ZNF81: variants seen among roughly 807,000 people sequenced by gnomAD.
The protein encoded by ZNF81 is zinc finger protein 81 (HFZ20).
A neutral mutation model predicts 32.3 loss-of-function variants in ZNF81; 5 were observed. The observed-to-expected ratio is 0.15, with a 90% CI of 0.08 to 0.33. The LOEUF (loss-of-function observed/expected upper bound fraction) is 0.33. Among genes scored for constraint, ZNF81 ranks in the 10% least tolerant of loss-of-function variants. The probability of loss-of-function intolerance (pLI) is 1.00; values close to 1 mark genes in which losing one functional copy is unlikely to be tolerated. For synonymous variants in ZNF81, 163 were observed against 166.8 expected (o/e 0.98, Z 0.17); for missense variants, 379 against 479.8 (o/e 0.79, Z 1.96).
At chrX:47,914,019 A>T (rs2058747719) in intron 4 of ZNF81, among the ~76,000 whole-genome samples, 1 of 111,541 alleles carries the variant, frequency 9.0e-6, no homozygotes, top group Non-Finnish European at 1.9e-5. Flanking sequence ...ACATACCAGG[A>T]TTCAATATAA....
rs1161839421 is a variant in ZNF81, at chrX:47,920,365, GC to G, written c.*3734del. 9.0e-6 allele frequency: 1 copy of G among 110,980 alleles called. No individual in the cohort carries two copies. Among genetic ancestry groups the G allele is most frequent in the Admixed American group, 9.6e-5 (1 of 10,393 alleles). 9.1% of individuals were successfully genotyped at this position (110,980 alleles called of 1,213,427 possible). The stretch of plus-strand genomic sequence containing the variant: ...TCTTGCTGACCTGGTGAGTTGGGGG[GC>G]AGGGGTTGTCTTGGGCCAGCCTCAG... On this transcript the variant is annotated 3_prime_UTR_variant, in exon 5 of 5. Coordinates refer to ENST00000338637, the MANE Select transcript of ZNF81 (RefSeq NM_007137.5).
intron 2 of ZNF81, among the ~76,000 whole-genome samples, chrX:47,884,103 AGGCGTGGTGGTG>A (rs1172134861): frequency 2.8e-5 from 3 of 108,922 alleles, no homozygotes; most frequent in Non-Finnish European, 5.7e-5. Context: ...AAAATTAGCC[AGGCGTGGTGGTG>A]GGCACCTGTA....
Position 47,917,268 on chromosome X carries a change from C to T in ZNF81, c.*636C>T, listed in dbSNP as rs1325530154. 12 of 297,101 alleles carry T rather than the reference C, an allele frequency of 4.0e-5. No homozygotes were observed. In the East Asian group the frequency reaches 5.7e-4, roughly 14 times the overall value. 24.5% of individuals were successfully genotyped at this position (297,101 alleles called of 1,213,427 possible). On this transcript the variant is annotated 3_prime_UTR_variant, in exon 5 of 5. Coordinates refer to ENST00000338637, the MANE Select transcript of ZNF81 (RefSeq NM_007137.5). ...ACTTTGGTTTTATATATACACACAT[C>T]TGCAGATATAATTTTATAAGAACAC...
chrX:47,858,390 T>A (rs1380042449), intron 2 of ZNF81, among the ~76,000 whole-genome samples: 1 of 112,140 alleles, frequency 8.9e-6, no homozygotes, highest in East Asian at 2.8e-4. Context: ...TTATAAGTCA[T>A]CTTCCTTTGT....
At chrX:47,853,847 G>C (rs1218276961) in intron 2 of ZNF81, among the ~76,000 whole-genome samples, 1 of 112,122 alleles carries the variant, frequency 8.9e-6, no homozygotes, top group African/African-American at 3.2e-5. Context: ...ACCATGGCTG[G>C]CTGGCTTCAA....
At chrX:47,902,105 G>A (rs1363307651) in intron 4 of ZNF81, among the ~76,000 whole-genome samples, 1 of 111,077 alleles carries the variant, frequency 9.0e-6, no homozygotes, top group Non-Finnish European at 1.9e-5. Flanking sequence ...TTCCTTCAAG[G>A]AGTTCGTGTA....
rs1235705107 is a variant in ZNF81, at chrX:47,919,235, A to G, written c.*2603A>G. 9.2e-6 allele frequency: 3 copies of G among 326,485 alleles called. No individual in the cohort carries two copies. The highest frequency in any genetic ancestry group is 1.8e-5 in the Non-Finnish European group (3 of 168,646). 26.9% of individuals were successfully genotyped at this position (326,485 alleles called of 1,213,427 possible). On this transcript the variant is annotated 3_prime_UTR_variant, in exon 5 of 5. Coordinates refer to ENST00000338637, the MANE Select transcript of ZNF81 (RefSeq NM_007137.5). ...GCTACAGATGTCTTCATCCCTGTAT[A>G]TGTGTCCTTCTTCAGTCTTTATTTC... is the stretch of plus-strand genomic sequence containing the variant.
At chrX:47,913,435 A>G (rs1212352662) in intron 4 of ZNF81, among the ~76,000 whole-genome samples, 1 of 111,288 alleles carries the variant, frequency 9.0e-6, no homozygotes, top group Non-Finnish European at 1.9e-5. Flanking sequence ...ATTTGAGCCC[A>G]AGAGTACAAG....
chrX:47,888,221 C>G, intron 3 of ZNF81, 96 bp downstream of exon 3: 1 of 1,083,141 alleles, frequency 9.2e-7, no homozygotes, highest in Non-Finnish European at 1.3e-6. Flanking sequence ...CCCCAGCCCC[C>G]CAGAATGTGA....
chrX:47,858,010 T>G (rs914274494), intron 2 of ZNF81, among the ~76,000 whole-genome samples: 8 of 111,135 alleles, frequency 7.2e-5, no homozygotes, highest in Non-Finnish European at 1.3e-4. Context: ...GGTCTCATAC[T>G]TTTTACCTAA....
At chrX:47,880,771 A>G (rs2058617690) in intron 2 of ZNF81, among the ~76,000 whole-genome samples, 1 of 111,831 alleles carries the variant, frequency 8.9e-6, no homozygotes, top group African/African-American at 3.3e-5. Flanking sequence ...TCACCTCCCT[A>G]ATTGTCTTAC....
chrX:47,882,468 T>G (rs1426706595), intron 2 of ZNF81, among the ~76,000 whole-genome samples: 1 of 112,326 alleles, frequency 8.9e-6, no homozygotes, highest in African/African-American at 3.2e-5. Context: ...GGATTTTTCC[T>G]TTTTTGTTGC....
intron 4 of ZNF81, among the ~76,000 whole-genome samples, chrX:47,898,527 C>G (rs1366657846): frequency 1.8e-5 from 2 of 111,845 alleles, no homozygotes; most frequent in East Asian, 5.6e-4. Context: ...TTCAACTTTG[C>G]TTTTTAAAAA....
intron 2 of ZNF81, among the ~76,000 whole-genome samples, chrX:47,853,330 C>G (rs781989453): frequency 9.1e-6 from 1 of 109,335 alleles, no homozygotes. Flanking sequence ...TACAGACACA[C>G]GCCACCACGC....
intron 2 of ZNF81, among the ~76,000 whole-genome samples, chrX:47,869,156 A>T (rs1370864225): frequency 3.6e-5 from 4 of 112,174 alleles, no homozygotes. Context: ...CCCTCTAAGG[A>T]TCCTTCCAGT....
chrX:47,886,434 A>G, intron 2 of ZNF81, among the ~76,000 whole-genome samples: 1 of 110,975 alleles, frequency 9.0e-6, no homozygotes. Flanking sequence ...CAGCTGGTCA[A>G]TCAGAGATCT....
At chrX:47,887,625 C>A (rs933760740) in intron 2 of ZNF81, among the ~76,000 whole-genome samples, 5 of 111,377 alleles carry the variant, frequency 4.5e-5, no homozygotes, top group Non-Finnish European at 9.4e-5. Flanking sequence ...ATGAAAGCAA[C>A]AGGAGAGGGA....
At chrX:47,840,696 C>T (rs1163067524) in intron 1 of ZNF81, among the ~76,000 whole-genome samples, 3 of 110,262 alleles carry the variant, frequency 2.7e-5, no homozygotes, top group Non-Finnish European at 5.7e-5. Context: ...TTAGTAGAGA[C>T]GGGGTTTCTC....
At chrX:47,913,972 C>T (rs1423363389) in intron 4 of ZNF81, among the ~76,000 whole-genome samples, 1 of 111,129 alleles carries the variant, frequency 9.0e-6, no homozygotes, top group Non-Finnish European at 1.9e-5. Context: ...AATATTTAGG[C>T]AAGAAGATAC....
Sources: gnomAD v4.1 joint callset for allele counts (sites outside exome capture counted in the v4.1 genomes callset) on GRCh38, gnomAD v4.1.1 for gene constraint, MANE v1.5 for transcripts, NCBI Gene and HGNC (gene_info 2026-07-23, HGNC 2026-07-21) for gene names.